The following NEGR1 variants were observed in gnomAD, a reference collection of about 807,000 sequenced individuals.
The protein encoded by NEGR1 is neuronal growth regulator 1, also known as IgLON family member 4.
Under a neutral mutation model 40.9 loss-of-function variants are expected in NEGR1, and 10 were observed. That is an observed-to-expected ratio of 0.24 (90% confidence interval 0.15 to 0.42). NEGR1 has a LOEUF of 0.42. Among genes scored for constraint, NEGR1 ranks in the 10% least tolerant of loss-of-function variants. The pLI is 1.00. For synonymous variants in NEGR1, 185 were observed against 166.8 expected, an observed-to-expected ratio of 1.11 and a Z score of -0.84; for missense variants, 352 against 438.9, an observed-to-expected ratio of 0.80 and a Z score of 1.77.
intron 1 of NEGR1, among the ~76,000 whole-genome samples, chr1:72,160,679 G>A (rs797021047): frequency 1.1e-4 from 17 of 152,096 alleles, no homozygotes; most frequent in East Asian, 1.9e-4. Flanking sequence ...TATTTGCATC[G>A]TTTTTCTGGA....
At chr1:72,166,368 A>T in intron 1 of NEGR1, among the ~76,000 whole-genome samples, 1 of 152,226 alleles carries the variant, frequency 6.6e-6, no homozygotes, top group South Asian at 2.1e-4. Context: ...AACTGTATGG[A>T]GGTTCCTCAG....
chr1:71,494,264 C>T (rs898354515), intron 6 of NEGR1, among the ~76,000 whole-genome samples: 23 of 152,144 alleles, frequency 1.5e-4, no homozygotes, highest in African/African-American at 5.3e-4. Context: ...GGTTGCCTGA[C>T]TTTTGTGAGT....
chr1:72,184,621 G>T (rs1039715779), intron 1 of NEGR1, among the ~76,000 whole-genome samples: 11 of 151,964 alleles, frequency 7.2e-5, no homozygotes, highest in Admixed American at 7.2e-4. Flanking sequence ...TGTTAGTTGT[G>T]TACAATTCAC....
At chr1:71,938,571 T>A (rs1165494451) in intron 1 of NEGR1, among the ~76,000 whole-genome samples, 1 of 152,056 alleles carries the variant, frequency 6.6e-6, no homozygotes, top group African/African-American at 2.4e-5. Context: ...TTAAGAAATT[T>A]TGTAAGGAGG....
intron 1 of NEGR1, among the ~76,000 whole-genome samples, chr1:72,105,926 G>A (rs537635090): frequency 2.0e-5 from 3 of 152,112 alleles, no homozygotes; most frequent in Admixed American, 1.3e-4. Flanking sequence ...ACATTTAATG[G>A]AAAACAAAAT....
intron 6 of NEGR1, among the ~76,000 whole-genome samples, chr1:71,577,195 A>C (rs1471465931): frequency 4.6e-5 from 7 of 152,232 alleles, no homozygotes; most frequent in African/African-American, 1.7e-4. Flanking sequence ...TTCTCAGAAT[A>C]TTCCTGCCTT....
At chr1:71,876,437 T>G (rs1376928839) in intron 2 of NEGR1, among the ~76,000 whole-genome samples, 2 of 151,632 alleles carry the variant, frequency 1.3e-5, no homozygotes, top group Non-Finnish European at 2.9e-5. Flanking sequence ...ATCACTTAGG[T>G]TGAGGTTGCA....
At chr1:72,104,660 C>G (rs755630600) in intron 1 of NEGR1, among the ~76,000 whole-genome samples, 1 of 152,088 alleles carries the variant, frequency 6.6e-6, no homozygotes, top group African/African-American at 2.4e-5. Context: ...ATTTTTCTGT[C>G]CAGTCTTTTC....
chr1:71,887,242 A>G (rs1359181366), intron 2 of NEGR1, among the ~76,000 whole-genome samples: 3 of 152,100 alleles, frequency 2.0e-5, no homozygotes, highest in Non-Finnish European at 2.9e-5. Flanking sequence ...GCTGAGGAGG[A>G]GGAGGAAGGG....
At chr1:71,636,501 T>C (rs1391926911) in intron 4 of NEGR1, among the ~76,000 whole-genome samples, 1 of 152,092 alleles carries the variant, frequency 6.6e-6, no homozygotes, top group East Asian at 1.9e-4. Flanking sequence ...TAGGGGAAGG[T>C]TAATCATGAA....
intron 1 of NEGR1, among the ~76,000 whole-genome samples, chr1:72,181,356 G>T (rs1156816430): frequency 1.3e-5 from 2 of 152,056 alleles, no homozygotes; most frequent in Non-Finnish European, 2.9e-5. Flanking sequence ...TACATCATCT[G>T]GAAGTCATCT....
intron 5 of NEGR1, among the ~76,000 whole-genome samples, chr1:71,594,628 G>A (rs537762): frequency 0.89 from 136,230 of 152,226 alleles, 62,313 homozygotes; most frequent in Non-Finnish European, 1. Flanking sequence ...ATAAGATAAT[G>A]GGGCATAAAA....
intron 1 of NEGR1, among the ~76,000 whole-genome samples, chr1:72,175,124 C>T (rs563874794): frequency 1.3e-5 from 2 of 152,056 alleles, no homozygotes; most frequent in East Asian, 3.9e-4. Flanking sequence ...CCCCTTCCCC[C>T]GATATTTTCA....
intron 1 of NEGR1, among the ~76,000 whole-genome samples, chr1:72,020,736 T>C (rs910733579): frequency 3.9e-5 from 6 of 152,148 alleles, no homozygotes; most frequent in Admixed American, 6.6e-5. Flanking sequence ...TAGATATTCA[T>C]ATAAGATTCA....
At chr1:71,816,379 T>A (rs1658212359) in intron 2 of NEGR1, among the ~76,000 whole-genome samples, 1 of 152,000 alleles carries the variant, frequency 6.6e-6, no homozygotes, top group Admixed American at 6.6e-5. Context: ...TGAGACTGAG[T>A]AATTTATTTT....
At chr1:71,588,356 A>G (rs1237202205) in intron 6 of NEGR1, among the ~76,000 whole-genome samples, 1 of 152,162 alleles carries the variant, frequency 6.6e-6, no homozygotes, top group Non-Finnish European at 1.5e-5. Context: ...AAATTTTGTT[A>G]AAGCACTTCA....
intron 1 of NEGR1, among the ~76,000 whole-genome samples, chr1:71,955,078 T>C (rs1166835335): frequency 1.3e-5 from 2 of 152,166 alleles, no homozygotes; most frequent in African/African-American, 2.4e-5. Context: ...TGAATCCAAA[T>C]TCTTGGCCCT....
intron 6 of NEGR1, among the ~76,000 whole-genome samples, chr1:71,429,055 T>C (rs1428121825): frequency 1.3e-5 from 2 of 152,194 alleles, no homozygotes; most frequent in African/African-American, 2.4e-5. Context: ...GAAACCCTGG[T>C]ATGATAAATA....
intron 6 of NEGR1, chr1:71,472,467 A>C (rs1050884517): frequency 2.0e-5 from 3 of 152,128 alleles, no homozygotes; most frequent in African/African-American, 4.8e-5. Context: ...CAATTGGGCT[A>C]CTGGGACTTG....
Sources: gnomAD v4.1 joint callset for allele counts (sites outside exome capture counted in the v4.1 genomes callset) on GRCh38, gnomAD v4.1.1 for gene constraint, MANE v1.5 for transcripts, NCBI Gene and HGNC (gene_info 2026-07-23, HGNC 2026-07-21) for gene names.